Variants in NUMA1 observed in about 807,000 individuals in gnomAD.
The protein encoded by NUMA1 is nuclear mitotic apparatus protein 1.
A neutral mutation model predicts 237.1 loss-of-function variants in NUMA1; 62 were observed. The observed-to-expected ratio is 0.26, with a 90% confidence interval of 0.21 to 0.32. The LOEUF is 0.32. Ranked by LOEUF, NUMA1 falls within the 10% of genes least tolerant of loss-of-function variation. NUMA1 has a pLI of 1.00. For synonymous variants in NUMA1, 1,028 were observed against 1,066.1 expected (o/e 0.96, Z 0.70); for missense variants, 2,533 against 2,666.5 (o/e 0.95, Z 1.10).
At position 72,015,515 on chromosome 11, in the gene NUMA1, C is replaced by A. The variant is rs763014062; in HGVS notation, c.1988G>T (p.Arg663Leu). The A allele has an allele frequency of 6.2e-7, 1 of 1,613,182 alleles. No individual in the cohort carries two copies. The highest frequency in any genetic ancestry group is 8.5e-7 in the Non-Finnish European group (1 of 1,180,032). The change falls in exon 15 of 27, where the codon CGC becomes CTC. Residue 663 changes from arginine (R) to leucine (L), a missense_variant. Around this residue, in one of 3 missense-constraint regions of NUMA1, gnomAD observed 1,414 missense variants for 1,508.1 expected, o/e 0.94. Transcript: ENST00000393695. The surrounding 1 kb of genome is among the most constrained non-coding windows in gnomAD (Gnocchi z 4.0). ...GGCCTGGGCCTCATGCTGTTCCTGG[C>A]GGGCTGTCTCAACACAGGCCTGGAG... ...EELQACVETA[R>L]QEQHEAQAQV...
intron 20 of NUMA1, 76 bp downstream of exon 20, chr11:72,008,612 T>G: frequency 6.8e-7 from 1 of 1,465,316 alleles, no homozygotes; most frequent in Non-Finnish European, 9.6e-7. Context: ...CACATCTTAT[T>G]TATCTCACTA....
intron 8 of NUMA1, 46 bp downstream of exon 8, chr11:72,021,158 C>T (rs1191511638): frequency 1.4e-6 from 2 of 1,463,498 alleles, no homozygotes; most frequent in Non-Finnish European, 1.9e-6. Flanking sequence ...CCTAGTATTC[C>T]CCATTTCAGA....
intron 17 of NUMA1, among the ~76,000 whole-genome samples, chr11:72,009,942 C>T (rs1475052632): frequency 1.3e-5 from 2 of 152,204 alleles, no homozygotes; most frequent in South Asian, 4.1e-4. Context: ...TTATGATGCC[C>T]ACACTGCCTC....
intron 2 of NUMA1, chr11:72,065,325 TG>T (rs765063322): frequency 9.9e-5 from 15 of 152,028 alleles, no homozygotes; most frequent in Non-Finnish European, 1.6e-4. Context: ...AAAAATGATT[TG>T]AAAAAAATTC....
intron 10 of NUMA1, 64 bp from the exon 11 acceptor site, chr11:72,018,577 C>T: frequency 1.4e-6 from 2 of 1,415,850 alleles, no homozygotes; most frequent in Non-Finnish European, 2.0e-6. Context: ...GAACTATGTG[C>T]ACAGAACTAT....
intron 11 of NUMA1, 30 bp downstream of exon 11, chr11:72,018,366 G>A: frequency 1.2e-6 from 2 of 1,606,852 alleles, no homozygotes; most frequent in Non-Finnish European, 1.7e-6. Flanking sequence ...AGGGGCTGGG[G>A]CCTGGGAAGG....
chr11:72,010,756 A>G, intron 17 of NUMA1, 30 bp downstream of exon 17: 1 of 1,606,428 alleles, frequency 6.2e-7, no homozygotes. Context: ...CCTTGTCCAG[A>G]GGCCAGACCC....
chr11:72,022,970 A>T (rs981366495), intron 6 of NUMA1, 95 bp downstream of exon 6: 1 of 827,986 alleles, frequency 1.2e-6, no homozygotes, highest in Non-Finnish European at 2.0e-6. Flanking sequence ...AGCACCCATC[A>T]TCTCCCCTTG....
chr11:72,006,067 G>A lies in NUMA1; in HGVS notation c.5660C>T (p.Ser1887Phe). 1 of 1,613,600 alleles carries A rather than the reference G, an allele frequency of 6.2e-7. No homozygotes were observed. Among genetic ancestry groups the A allele is most frequent in the Admixed American group, 1.7e-5 (1 of 60,016 alleles). The part of the protein sequence containing the change: ...RPTTRSSARR[S>F]QAGVSSGAPP... The stretch of plus-strand genomic sequence containing the variant: ...GGCCCCACTGGACACCCCGGCCTGG[G>A]AACGACGAGCAGAACTGCGAGTGGT... The change falls in exon 22 of 27, where the codon TCC becomes TTC. Residue 1887 changes from serine to phenylalanine, a missense_variant. Physicochemically the swap from Ser to Phe is radical, Grantham distance 155. Around this residue, in one of 3 missense-constraint regions of NUMA1, gnomAD observed 795 missense variants for 750.8 expected, o/e 1.06. Coordinates refer to ENST00000393695, the MANE Select transcript of NUMA1 (RefSeq NM_006185.4).
intron 20 of NUMA1, chr11:72,008,019 TG>T: frequency 2.3e-6 from 1 of 444,118 alleles, no homozygotes. Flanking sequence ...GCTCTACCAC[TG>T]GGGAACCTTG....
intron 3 of NUMA1, among the ~76,000 whole-genome samples, chr11:72,033,053 A>G (rs1024955536): frequency 6.6e-6 from 1 of 152,120 alleles, no homozygotes; most frequent in Non-Finnish European, 1.5e-5. Context: ...CACTCTTCTC[A>G]CTAACATAAC....
intron 2 of NUMA1, among the ~76,000 whole-genome samples, chr11:72,069,099 G>A (rs945409968): frequency 6.6e-6 from 1 of 152,088 alleles, no homozygotes; most frequent in African/African-American, 2.4e-5. Flanking sequence ...ACTTTGAAGG[G>A]GTCAAACTTA....
chr11:72,039,080 T>C (rs183371820), intron 2 of NUMA1, among the ~76,000 whole-genome samples: 2 of 152,108 alleles, frequency 1.3e-5, no homozygotes, highest in Non-Finnish European at 2.9e-5. Context: ...CAGTAACCCC[T>C]GTTTCCAGAA....
intron 2 of NUMA1, among the ~76,000 whole-genome samples, chr11:72,052,989 G>A (rs1171767139): frequency 1.3e-5 from 2 of 152,128 alleles, no homozygotes; most frequent in Non-Finnish European, 2.9e-5. Context: ...AAGATTACAA[G>A]GTCTGAACTT....
intron 2 of NUMA1, among the ~76,000 whole-genome samples, chr11:72,060,841 C>T (rs1163760517): frequency 6.6e-6 from 1 of 152,074 alleles, no homozygotes; most frequent in Non-Finnish European, 1.5e-5. Flanking sequence ...GAGGCCGAGG[C>T]GGGCGGATCA....
intron 2 of NUMA1, among the ~76,000 whole-genome samples, chr11:72,046,641 A>G (rs1287144821): frequency 1.3e-5 from 2 of 151,548 alleles, no homozygotes. Flanking sequence ...AAGAGAGAAG[A>G]AAGGAAGGAA....
Position 72,014,647 on chromosome 11 carries a change from C to T in NUMA1, c.2856G>A (p.Leu952=). The change falls in exon 15 of 27, where the codon CTG becomes CTA. Residue 952 remains leucine (L), a synonymous_variant. Coordinates refer to ENST00000393695, the MANE Select transcript of NUMA1 (RefSeq NM_006185.4). This position sits in a 1 kb window ranked among gnomAD's most constrained non-coding sequence, Gnocchi z 4.6. ...ARAGDRQPEW[L]EEQQGRQFCS... ...AGAACTGGCGTCCCTGTTGCTCTTCCAGCCACTCGGGCTGTCTGTCTCCTG... is the reference window on the plus strand; with the variant it reads ...AGAACTGGCGTCCCTGTTGCTCTTCTAGCCACTCGGGCTGTCTGTCTCCTG... The T allele has an allele frequency of 6.2e-7, 1 of 1,612,078 alleles. No homozygotes were observed.
chr11:72,056,677 A>AC (rs998797677), intron 2 of NUMA1, among the ~76,000 whole-genome samples: 3 of 146,980 alleles, frequency 2.0e-5, no homozygotes, highest in African/African-American at 4.9e-5. Context: ...CCAAACTGAT[A>AC]ATCAAAACTC....
intron 13 of NUMA1, 86 bp from the exon 14 acceptor site, chr11:72,016,616 G>A: frequency 1.3e-6 from 2 of 1,495,776 alleles, no homozygotes; most frequent in Non-Finnish European, 1.8e-6. Flanking sequence ...CAGCAAACAT[G>A]GGGCCCATCA....
Sources: allele counts gnomAD v4.1 joint callset (sites outside exome capture counted in the v4.1 genomes callset), GRCh38; gene constraint gnomAD v4.1.1; regional missense constraint gnomAD v4.1.1; non-coding constraint Gnocchi (gnomAD v3.1); transcripts MANE v1.5; gene names NCBI Gene and HGNC (gene_info 2026-07-23, HGNC 2026-07-21).